ZNF319: variants seen among roughly 807,000 people sequenced by gnomAD.
ZNF319 encodes zinc finger protein 319.
Under a neutral mutation model 46.0 loss-of-function variants are expected in ZNF319, and 15 were observed. The observed-to-expected ratio is 0.33, with a 90% confidence interval of 0.22 to 0.50. ZNF319 has a LOEUF of 0.50. Ranked by LOEUF, ZNF319 falls within the 20% of genes least tolerant of loss-of-function variation. The pLI is 0.98. For synonymous variants in ZNF319, 368 were observed against 364.0 expected (o/e 1.01, Z -0.13); for missense variants, 635 against 807.0 (o/e 0.79, Z 2.58).
In ZNF319 at chr16:57,996,458, G is replaced by A; in HGVS notation, c.*59C>T. The stretch of plus-strand genomic sequence containing the variant: ...AGCTGTGAGGAGCTAGGCTGCGCGA[G>A]GCCTGCTGGGCCCACGGCGCCGACT... On this transcript the variant is annotated 3_prime_UTR_variant, in exon 2 of 2. Transcript: ENST00000299237. The A allele has an allele frequency of 6.9e-7, 1 of 1,452,102 alleles. No homozygotes were observed. Among genetic ancestry groups the A allele is most frequent in the East Asian group, 2.5e-5 (1 of 40,258 alleles). The allele number at this position is 1,452,102 out of a possible 1,614,324, so 90.0% of individuals were successfully genotyped here. A position where few individuals can be genotyped will look rare whatever the true frequency, so the allele number is the denominator to read the frequency against.
Position 57,996,741 on chromosome 16 carries a change from T to C in ZNF319, c.1525A>G (p.Thr509Ala). Residue 509 changes from threonine (T) to alanine (A), a missense_variant, in exon 2 of 2, where the codon ACA becomes GCA. Physicochemically the swap from Thr to Ala is moderately conservative, Grantham distance 58. Coordinates refer to ENST00000299237, the MANE Select transcript of ZNF319 (RefSeq NM_020807.3). Reference protein sequence around the residue: ...SDLQRHRRVHTGEKPYKCPNC... With the variant: ...SDLQRHRRVHAGEKPYKCPNC... Reference sequence around the variant, plus strand: ...GGGCACTTGTAGGGCTTCTCGCCTGTGTGTACCCGCCGGTGCCGCTGCAGG... The same window carrying C: ...GGGCACTTGTAGGGCTTCTCGCCTGCGTGTACCCGCCGGTGCCGCTGCAGG... The C allele has an allele frequency of 6.3e-7, 1 of 1,597,970 alleles. No homozygotes were observed. The highest frequency in any genetic ancestry group is 8.5e-7 in the Non-Finnish European group (1 of 1,171,640).
rs529613953 is a variant in ZNF319 at position 57,998,378 on chromosome 16, C to T, written c.-113G>A. The stretch of plus-strand genomic sequence containing the variant: ...CACAGAGATGGACAAGGACCTCAGA[C>T]AAGGCACAGAAGAGGGGCTGGTCAG... On this transcript the variant is annotated 5_prime_UTR_variant, in exon 2 of 2. Coordinates refer to ENST00000299237, the MANE Select transcript of ZNF319 (RefSeq NM_020807.3). 14 of 1,496,594 alleles carry T rather than the reference C, an allele frequency of 9.4e-6. No individual in the cohort carries two copies. The African/African-American group carries it at 1.3e-4, about 13-fold the overall frequency. 92.7% of individuals were successfully genotyped at this position (1,496,594 alleles called of 1,614,324 possible). A position where few individuals can be genotyped will look rare whatever the true frequency, so the allele number is the denominator to read the frequency against.
In ZNF319 at chr16:57,997,235, T is replaced by G; in HGVS notation, c.1031A>C (p.Lys344Thr). Reference sequence around the variant, plus strand: ...GAAGCCCATGGGGCACAGGTCGCACTTGAAGGGCCGCTCGGCGCTGTGTGT... The same window carrying G: ...GAAGCCCATGGGGCACAGGTCGCACGTGAAGGGCCGCTCGGCGCTGTGTGT... ...ERTHSAERPF[K>T]CDLCPMGFKQ... is the part of the protein sequence containing the mutation. The change falls in exon 2 of 2, where the codon AAG becomes ACG. Residue 344 changes from lysine (K) to threonine (T), a missense_variant. Transcript: ENST00000299237. 4 of 1,612,924 alleles carry G rather than the reference T, an allele frequency of 2.5e-6. No individual in the cohort carries two copies. In the East Asian group the frequency reaches 6.7e-5, roughly 27 times the overall value.
At chr16:57,998,630 G>A (rs1393411609) in intron 1 of ZNF319, 108 bp from the exon 2 acceptor site, 2 of 200,736 alleles carry the variant, frequency 1.0e-5, no homozygotes, top group South Asian at 1.5e-4. Context: ...ACCACACATC[G>A]GGGAAGGCAG....
rs1046846055 is a variant in ZNF319, at chr16:57,995,997, C to G, written c.*520G>C. The G allele has an allele frequency of 6.4e-6, 1 of 155,768 alleles. No homozygotes were observed. Among genetic ancestry groups the G allele is most frequent in the African/African-American group, 2.4e-5 (1 of 41,494 alleles). The allele number at this position is 155,768 out of a possible 1,614,324, so 9.6% of individuals were successfully genotyped here. On this transcript the variant is annotated 3_prime_UTR_variant, in exon 2 of 2. Transcript: ENST00000299237. ...AGAGGGCTGTGACTCACCCTCTGCC[C>G]TCCCAGTCCCCAGGCCTACGTCTTA...
Position 57,996,836 on chromosome 16 carries a change from C to A in ZNF319, c.1430G>T (p.Arg477Leu). The A allele has an allele frequency of 6.2e-7, 1 of 1,606,286 alleles. No homozygotes were observed. Among genetic ancestry groups the A allele is most frequent in the Non-Finnish European group, 8.5e-7 (1 of 1,178,396 alleles). ...FFSSSEFVQH[R>L]CDPAREKPLK... ...TGGCTTCTCGCGGGCCGGATCGCAG[C>A]GGTGCTGCACGAACTCGGAAGAGGA... Residue 477 changes from arginine to leucine, a missense_variant, in exon 2 of 2, where the codon CGC (arginine) becomes CTC (leucine). Transcript: ENST00000299237.
Position 57,997,157 on chromosome 16 carries a change from G to A in ZNF319, c.1109C>T (p.Pro370Leu), listed in dbSNP as rs1297374607. The A allele has an allele frequency of 6.2e-7, 1 of 1,613,906 alleles. No individual in the cohort carries two copies. The highest frequency in any genetic ancestry group is 8.5e-7 in the Non-Finnish European group (1 of 1,179,962). Residue 370 changes from proline (P) to leucine (L), a missense_variant, in exon 2 of 2, where the codon CCC becomes CTC. Physicochemically the swap from Pro to Leu is moderately conservative, Grantham distance 98. Transcript: ENST00000299237. ...RHRRTHKTEE[P>L]FKCGLCEKGF... ...CTTCTCACATAGGCCGCATTTGAAGGGCTCCTCGGTCTTGTGTGTGCGCCG... is the reference window on the plus strand; with the variant it reads ...CTTCTCACATAGGCCGCATTTGAAGAGCTCCTCGGTCTTGTGTGTGCGCCG...
rs1219956141 is a variant in ZNF319, at chr16:57,996,913, A to G, written c.1353T>C (p.Cys451=). 1 of 1,601,312 alleles carries G rather than the reference A, an allele frequency of 6.2e-7. No individual in the cohort carries two copies. The highest frequency in any genetic ancestry group is 8.5e-7 in the Non-Finnish European group (1 of 1,178,778). Residue 451 remains cysteine (C), a synonymous_variant, in exon 2 of 2, where the codon TGT becomes TGC. Transcript: ENST00000299237. ...SALQKHQLAH[C]AAAEKPLRCT... ...AGCGCAGGGGCTTCTCTGCCGCCGC[A>G]CAGTGGGCCAGCTGGTGCTTCTGCA...
At position 57,996,383 on chromosome 16, in the gene ZNF319, A is replaced by C; in HGVS notation, c.*134T>G. The C allele has an allele frequency of 3.5e-6, 5 of 1,423,076 alleles. No individual in the cohort carries two copies. The South Asian group carries it at 7.6e-5, about 22-fold the overall frequency. 88.2% of individuals were successfully genotyped at this position (1,423,076 alleles called of 1,614,324 possible). A position where few individuals can be genotyped will look rare whatever the true frequency, so the allele number is the denominator to read the frequency against. ...CCCTGCCTCATACCCCTGCGTCCTC[A>C]CTCCCGAGGTCTCAGAACACCGAGC... On this transcript the variant is annotated 3_prime_UTR_variant, in exon 2 of 2. Coordinates refer to ENST00000299237, the MANE Select transcript of ZNF319 (RefSeq NM_020807.3).
In ZNF319 at chr16:57,996,391, G is replaced by A. The variant is rs1486246297; in HGVS notation, c.*126C>T. 4 of 1,429,596 alleles carry A rather than the reference G, an allele frequency of 2.8e-6. No homozygotes were observed. The highest frequency in any genetic ancestry group is 2.5e-5 in the East Asian group (1 of 39,786). The allele number at this position is 1,429,596 out of a possible 1,614,324, so 88.6% of individuals were successfully genotyped here. ...CATACCCCTGCGTCCTCACTCCCGAGGTCTCAGAACACCGAGCTGGGTGGG... is the reference window on the plus strand; with the variant it reads ...CATACCCCTGCGTCCTCACTCCCGAAGTCTCAGAACACCGAGCTGGGTGGG... On this transcript the variant is annotated 3_prime_UTR_variant, in exon 2 of 2. Coordinates refer to ENST00000299237, the MANE Select transcript of ZNF319 (RefSeq NM_020807.3).
rs547543103 is a variant in ZNF319, at chr16:57,997,694, G to A, written c.572C>T (p.Thr191Ile). Reference protein sequence around the residue: ...PSLPAAPAPSTVTPAEQADKP... With the variant: ...PSLPAAPAPSIVTPAEQADKP... ...GTCGGCCTGTTCAGCAGGGGTGACA[G>A]TGGAAGGCGCGGGTGCTGCGGGAAG... Residue 191 changes from threonine to isoleucine, a missense_variant, in exon 2 of 2, where the codon ACT becomes ATT. Around this residue, in one of 3 missense-constraint regions of ZNF319, gnomAD observed 227 missense variants for 277.5 expected, o/e 0.82. Coordinates refer to ENST00000299237, the MANE Select transcript of ZNF319 (RefSeq NM_020807.3). 1.2e-6 allele frequency: 2 copies of A among 1,613,850 alleles called. No homozygotes were observed. The highest frequency in any genetic ancestry group is 2.2e-5 in the East Asian group (1 of 44,886).
Position 58,000,662 on chromosome 16 carries a change from C to A in ZNF319, c.-1427G>T, listed in dbSNP as rs1442244867. 6.9e-6 allele frequency among the ~76,000 whole-genome samples: 1 copy of A among 143,988 alleles called. No individual in the cohort carries two copies. The highest frequency in any genetic ancestry group is 2.5e-5 in the African/African-American group (1 of 39,460). The allele number at this position is 143,988 out of a possible 152,430, so 94.5% of individuals were successfully genotyped here. ...GCGGGCGGACGGACCGATGGCCTTGCGGAGACGGGCGGACGGGCGGGCGGC... is the reference window on the plus strand; with the variant it reads ...GCGGGCGGACGGACCGATGGCCTTGAGGAGACGGGCGGACGGGCGGGCGGC... On this transcript the variant is annotated 5_prime_UTR_variant, in exon 1 of 2. Transcript: ENST00000299237. This position sits in a 1 kb window ranked among gnomAD's most constrained non-coding sequence, Gnocchi z 4.5.
rs944608609 is a variant in ZNF319 at position 58,000,232 on chromosome 16, G to T, written c.-997C>A. Among the ~76,000 whole-genome samples, 2 of 152,080 alleles carry T rather than the reference G, an allele frequency of 1.3e-5. No homozygotes were observed. Among genetic ancestry groups the T allele is most frequent in the Non-Finnish European group, 2.9e-5 (2 of 67,988 alleles). On this transcript the variant is annotated 5_prime_UTR_variant, in exon 1 of 2. Transcript: ENST00000299237. The surrounding 1 kb of genome is among the most constrained non-coding windows in gnomAD (Gnocchi z 4.5). ...AGAAAGGCCCCAGGGCTACAGGCCG[G>T]GCCCAGGAAGCGGCTGCGCCTCGAG...
At position 57,996,331 on chromosome 16, in the gene ZNF319, G is replaced by T. The variant is rs537824067; in HGVS notation, c.*186C>A. On this transcript the variant is annotated 3_prime_UTR_variant, in exon 2 of 2. Coordinates refer to ENST00000299237, the MANE Select transcript of ZNF319 (RefSeq NM_020807.3). ...CTGGCCGCCCGCACTGCCCGCTGGT[G>T]CCAGGAGTACGAGCGGCACACCCTC... is the stretch of plus-strand genomic sequence containing the variant. 1,975 of 1,244,500 alleles carry T rather than the reference G, an allele frequency of 1.6e-3. 12 individuals are homozygous for T. Among genetic ancestry groups the T allele is most frequent in the Middle Eastern group, 0.011 (37 of 3,472 alleles). The allele number at this position is 1,244,500 out of a possible 1,614,324, so 77.1% of individuals were successfully genotyped here.
At position 57,997,474 on chromosome 16, in the gene ZNF319, C is replaced by T; in HGVS notation, c.792G>A (p.Glu264=). Residue 264 remains glutamate (E), a synonymous_variant, in exon 2 of 2, where the codon GAG becomes GAA. Transcript: ENST00000299237. ...SERPYKCAVC[E]KTFKHRSHLV... is the part of the protein sequence containing the mutation. ...GGTGAGAGCGGTGCTTGAAGGTCTT[C>T]TCGCAGACTGCGCACTTGTAGGGCC... The T allele has an allele frequency of 6.2e-7, 1 of 1,610,050 alleles. No homozygotes were observed. The highest frequency in any genetic ancestry group is 8.5e-7 in the Non-Finnish European group (1 of 1,178,898).
Position 57,996,516 on chromosome 16 carries a change from G to T in ZNF319, c.*1C>A. 6.6e-7 allele frequency: 1 copy of T among 1,523,854 alleles called. No individual in the cohort carries two copies. Among genetic ancestry groups the T allele is most frequent in the Non-Finnish European group, 8.8e-7 (1 of 1,139,896 alleles). 94.4% of individuals were successfully genotyped at this position (1,523,854 alleles called of 1,614,324 possible). A position where few individuals can be genotyped will look rare whatever the true frequency, so the allele number is the denominator to read the frequency against. Reference sequence around the variant, plus strand: ...GGCTGGTAGGGGCCACAGCCGCAGAGTCAGGGCAGGCAGGCGGCTACCTGG... The same window carrying T: ...GGCTGGTAGGGGCCACAGCCGCAGATTCAGGGCAGGCAGGCGGCTACCTGG... On this transcript the variant is annotated 3_prime_UTR_variant, in exon 2 of 2. Coordinates refer to ENST00000299237, the MANE Select transcript of ZNF319 (RefSeq NM_020807.3).
Position 57,996,873 on chromosome 16 carries a change from G to A in ZNF319, c.1393C>T (p.Arg465Cys), listed in dbSNP as rs764977110. ...AACTCGGAAGAGGAGAAGAAGCGGC[G>A]TTCGCAAAGCGTGCAGCGCAGGGGC... ...EKPLRCTLCERRFFSSSEFVQ... is the reference protein window; with the variant it reads ...EKPLRCTLCECRFFSSSEFVQ... Residue 465 changes from arginine to cysteine, a missense_variant, in exon 2 of 2, where the codon CGC becomes TGC. This residue lies in a region of ZNF319 where 270 missense variants were observed against 281.4 expected (regional missense o/e 0.96). Transcript: ENST00000299237. 1.9e-6 allele frequency: 3 copies of A among 1,603,250 alleles called. No individual in the cohort carries two copies. The highest frequency in any genetic ancestry group is 3.4e-5 in the Admixed American group (2 of 59,268).
In ZNF319 at chr16:57,997,792, C is replaced by T; in HGVS notation, c.474G>A (p.Val158=). The T allele has an allele frequency of 6.2e-7, 1 of 1,612,840 alleles. No individual in the cohort carries two copies. Among genetic ancestry groups the T allele is most frequent in the Non-Finnish European group, 8.5e-7 (1 of 1,180,030 alleles). Residue 158 remains valine, a synonymous_variant, in exon 2 of 2, where the codon GTG becomes GTA. Coordinates refer to ENST00000299237, the MANE Select transcript of ZNF319 (RefSeq NM_020807.3). ...AQHHSSHSGL[V]KCSICEKTYK... ...AGGTCTTTTCACAGATGGAACACTT[C>T]ACCAGGCCACTGTGGGAGCTGTGGT... is the stretch of plus-strand genomic sequence containing the variant.
chr16:57,998,568 C>T, intron 1 of ZNF319, 46 bp from the exon 2 acceptor site: 1 of 341,542 alleles, frequency 2.9e-6, no homozygotes, highest in Non-Finnish European at 5.6e-6. Context: ...GAACAAGCAG[C>T]AGTTTCCTGG....
Sources: allele counts gnomAD v4.1 joint callset (sites outside exome capture counted in the v4.1 genomes callset), GRCh38; gene constraint gnomAD v4.1.1; regional missense constraint gnomAD v4.1.1; non-coding constraint Gnocchi (gnomAD v3.1); transcripts MANE v1.5; gene names NCBI Gene and HGNC (gene_info 2026-07-23, HGNC 2026-07-21).